ARSK: variants seen among roughly 807,000 people sequenced by gnomAD.
ARSK encodes the protein arylsulfatase family member K.
ARSK carries 37 observed loss-of-function variants against 53.2 expected under a neutral mutation model. The observed-to-expected ratio is 0.70, with a 90% CI of 0.54 to 0.92. ARSK has a LOEUF of 0.92. Ranked by LOEUF, ARSK falls within the 40% of genes least tolerant of loss-of-function variation. The probability of loss-of-function intolerance (pLI) is 0.00; values close to 1 mark genes in which losing one functional copy is unlikely to be tolerated. For missense variants in ARSK, 613 were observed against 643.0 expected (o/e 0.95, Z 0.51); for synonymous variants, 208 against 223.2 (o/e 0.93, Z 0.61).
intron 5 of ARSK, among the ~76,000 whole-genome samples, chr5:95,588,521 C>A (rs1052992722): frequency 4.6e-5 from 7 of 151,738 alleles, no homozygotes; most frequent in Non-Finnish European, 1.0e-4. Flanking sequence ...CGCGACTGGC[C>A]TGTAAATTTT....
chr5:95,561,594 A>G (rs1258713762), intron 1 of ARSK, among the ~76,000 whole-genome samples: 1 of 152,248 alleles, frequency 6.6e-6, no homozygotes, highest in Non-Finnish European at 1.5e-5. Context: ...ATATGCTACA[A>G]TATAGATGAA....
intron 4 of ARSK, among the ~76,000 whole-genome samples, chr5:95,584,244 T>TA (rs1749070283): frequency 6.6e-6 from 1 of 152,236 alleles, no homozygotes; most frequent in African/African-American, 2.4e-5. Flanking sequence ...AACTAATCAC[T>TA]GACACATTTT....
intron 1 of ARSK, chr5:95,557,065 A>G (rs1053916270): frequency 6.6e-6 from 1 of 152,092 alleles, no homozygotes; most frequent in African/African-American, 2.4e-5. Context: ...AAATAAAAAA[A>G]ATTTTTGCAT....
chr5:95,556,119 G>A (rs1490373818), intron 1 of ARSK: 3 of 689,182 alleles, frequency 4.4e-6, no homozygotes, highest in African/African-American at 3.5e-5. Context: ...TTATCACTCG[G>A]TGTTACTGTG....
rs1464361422 is a variant in ARSK at position 95,583,025 on chromosome 5, G to A, written c.526G>A (p.Asp176Asn). ...NRTKVRVMER[D>N]WQNTDKAVNW... ...GACTAAAGTCAGAGTGATGGAAAGG[G>A]ATTGGCAGAATACAGACAAAGCAGT... Residue 176 changes from aspartate to asparagine, a missense_variant, in exon 4 of 8, where the codon GAT (aspartate) becomes AAT (asparagine). Asp to Asn is a conservative substitution (Grantham distance 23). Transcript: ENST00000380009. The A allele has an allele frequency of 1.2e-6, 2 of 1,613,830 alleles. No homozygotes were observed. Among genetic ancestry groups the A allele is most frequent in the South Asian group, 1.1e-5 (1 of 91,048 alleles).
chr5:95,566,421 A>T (rs916680708), intron 2 of ARSK, among the ~76,000 whole-genome samples: 5 of 152,156 alleles, frequency 3.3e-5, no homozygotes, highest in Non-Finnish European at 5.9e-5. Context: ...ATGAGGGAAT[A>T]CTCATATTTC....
At position 95,555,137 on chromosome 5, in the gene ARSK, CG is replaced by C. The variant is rs1748460250; in HGVS notation, c.-139del. ...CCGCCTGATAGGAGTTGTAGTTCTG[CG>C]GGTGAAGCTCGGCGTTACTATCAAG... On this transcript the variant is annotated 5_prime_UTR_variant, in exon 1 of 8. Transcript: ENST00000380009. This position sits in a 1 kb window ranked among gnomAD's most constrained non-coding sequence, Gnocchi z 4.0. 1.5e-6 allele frequency: 1 copy of C among 653,984 alleles called. No homozygotes were observed. Among genetic ancestry groups the C allele is most frequent in the Non-Finnish European group, 2.5e-6 (1 of 402,716 alleles). 40.5% of individuals were successfully genotyped at this position (653,984 alleles called of 1,614,324 possible).
intron 3 of ARSK, among the ~76,000 whole-genome samples, chr5:95,577,877 A>G (rs1190251908): frequency 2.0e-5 from 3 of 152,236 alleles, no homozygotes; most frequent in Non-Finnish European, 4.4e-5. Flanking sequence ...AAAGAAATGC[A>G]TGAATAAGAA....
intron 2 of ARSK, among the ~76,000 whole-genome samples, chr5:95,566,556 T>C (rs886122968): frequency 6.6e-6 from 1 of 152,202 alleles, no homozygotes; most frequent in Admixed American, 6.5e-5. Context: ...CTGAATTTTT[T>C]CTTATTATTT....
intron 3 of ARSK, 98 bp downstream of exon 3, chr5:95,568,147 T>TG: frequency 7.7e-7 from 1 of 1,296,194 alleles, no homozygotes. Context: ...TCCACAAAGG[T>TG]GAAAGTAAAT....
At chr5:95,577,263 T>C (rs942648451) in intron 3 of ARSK, among the ~76,000 whole-genome samples, 3 of 152,244 alleles carry the variant, frequency 2.0e-5, no homozygotes, top group African/African-American at 4.8e-5. Context: ...TATAGTCAAA[T>C]TGATATGTTA....
At position 95,600,972 on chromosome 5, in the gene ARSK, CATGGATGTA is replaced by C; in HGVS notation, c.1226_1234del (p.Gly409_Asn411del). 1 of 1,614,016 alleles carries C rather than the reference CATGGATGTA, an allele frequency of 6.2e-7. No individual in the cohort carries two copies. The highest frequency in any genetic ancestry group is 1.1e-5 in the South Asian group (1 of 91,074). On this transcript the variant is annotated inframe_deletion, in exon 7 of 8. Coordinates refer to ENST00000380009, the MANE Select transcript of ARSK (RefSeq NM_198150.3). ...TCCACCCTGGATTCTGAGTGAATTC[CATGGATGTA>C]ATGTGAATGCCTCCACCTACATGCT...
Position 95,582,952 on chromosome 5 carries a change from C to G in ARSK, c.453C>G (p.Phe151Leu), listed in dbSNP as rs760328464. The stretch of plus-strand genomic sequence containing the variant: ...AAGCGTGGACAAGAGATGTTGCTTT[C>G]TTACTCAGACAAGAAGGCAGGCCCA... Reference protein sequence around the residue: ...RVEAWTRDVAFLLRQEGRPMV... With the variant: ...RVEAWTRDVALLLRQEGRPMV... Residue 151 changes from phenylalanine to leucine, a missense_variant, in exon 4 of 8, where the codon TTC becomes TTG. Physicochemically the swap from Phe to Leu is conservative, Grantham distance 22. Transcript: ENST00000380009. The G allele has an allele frequency of 3.0e-5, 48 of 1,611,862 alleles. No individual in the cohort carries two copies. The highest frequency in any genetic ancestry group is 4.0e-5 in the Non-Finnish European group (47 of 1,178,514).
intron 1 of ARSK, among the ~76,000 whole-genome samples, chr5:95,560,339 C>A (rs1748607012): frequency 6.6e-6 from 1 of 150,992 alleles, no homozygotes; most frequent in Non-Finnish European, 1.5e-5. Context: ...AAAAACCCAT[C>A]CTAAAATTCA....
intron 7 of ARSK, 132 bp downstream of exon 7, chr5:95,601,203 CA>C: frequency 1.1e-6 from 1 of 904,324 alleles, no homozygotes; most frequent in Non-Finnish European, 1.6e-6. Flanking sequence ...GGACGATCTA[CA>C]AAAGGTTGCC....
intron 6 of ARSK, among the ~76,000 whole-genome samples, chr5:95,600,030 A>G (rs1440049278): frequency 2.6e-5 from 4 of 152,214 alleles, no homozygotes; most frequent in Non-Finnish European, 5.9e-5. Flanking sequence ...TAATTTTTCT[A>G]TAGGAAGAGG....
In ARSK at chr5:95,591,588, T is replaced by A; in HGVS notation, c.1059T>A (p.Asn353Lys). 1 of 1,614,138 alleles carries A rather than the reference T, an allele frequency of 6.2e-7. No homozygotes were observed. Among genetic ancestry groups the A allele is most frequent in the Non-Finnish European group, 8.5e-7 (1 of 1,179,998 alleles). Residue 353 changes from asparagine (N) to lysine (K), a missense_variant, in exon 6 of 8, where the codon AAT becomes AAA. Transcript: ENST00000380009. ...TTAAAGCCGGCCTACAAGTATCAAATGTGGTTTCTCTTGTGGATATTTACC... is the reference window on the plus strand; with the variant it reads ...TTAAAGCCGGCCTACAAGTATCAAAAGTGGTTTCTCTTGTGGATATTTACC... The part of the protein sequence containing the change: ...PGIKAGLQVS[N>K]VVSLVDIYPT...
At chr5:95,598,790 G>A (rs571976359) in intron 6 of ARSK, among the ~76,000 whole-genome samples, 1 of 152,232 alleles carries the variant, frequency 6.6e-6, no homozygotes, top group South Asian at 2.1e-4. Flanking sequence ...AGCCAAACAG[G>A]CCTGCTTGGT....
chr5:95,602,500 C>T (rs1337823877), intron 7 of ARSK, among the ~76,000 whole-genome samples: 1 of 152,128 alleles, frequency 6.6e-6, no homozygotes, highest in Admixed American at 6.6e-5. Context: ...GGCTACTGCA[C>T]TTAAGTAGGC....
Sources: gnomAD v4.1 joint callset for allele counts (sites outside exome capture counted in the v4.1 genomes callset) on GRCh38, gnomAD v4.1.1 for gene constraint, Gnocchi (gnomAD v3.1) non-coding constraint, MANE v1.5 for transcripts, NCBI Gene and HGNC (gene_info 2026-07-23, HGNC 2026-07-21) for gene names.